Variants in DPP10 observed in about 807,000 individuals in gnomAD.
DPP10 encodes dipeptidyl peptidase like 10.
A neutral mutation model predicts 120.9 loss-of-function variants in DPP10; 33 were observed. That is an observed-to-expected ratio of 0.27 (90% CI 0.21 to 0.37). The LOEUF is 0.37. Among genes scored for constraint, DPP10 ranks in the 10% least tolerant of loss-of-function variants. The pLI, the probability that DPP10 is intolerant of heterozygous loss-of-function variation, is 1.00. For missense variants in DPP10, 816 were observed against 942.8 expected, an observed-to-expected ratio of 0.87 and a Z score of 1.76; for synonymous variants, 337 against 326.1, an observed-to-expected ratio of 1.03 and a Z score of -0.36.
chr2:115,225,399 G>A (rs1173249043), intron 1 of DPP10, among the ~76,000 whole-genome samples: 1 of 152,058 alleles, frequency 6.6e-6, no homozygotes, highest in Non-Finnish European at 1.5e-5. Context: ...GAGATAGGCA[G>A]CACTGAACAA....
chr2:114,748,918 C>T (rs1324483671), intron 1 of DPP10, among the ~76,000 whole-genome samples: 1 of 123,106 alleles, frequency 8.1e-6, no homozygotes, highest in East Asian at 2.3e-4. Flanking sequence ...GGTATATACC[C>T]AGTAATGGGA....
At chr2:115,273,396 C>T (rs1034992515) in intron 1 of DPP10, among the ~76,000 whole-genome samples, 1 of 152,044 alleles carries the variant, frequency 6.6e-6, no homozygotes, top group African/African-American at 2.4e-5. Flanking sequence ...GGCTGGAGTG[C>T]AGTGATCTTG....
intron 3 of DPP10, among the ~76,000 whole-genome samples, chr2:115,364,366 C>T (rs10169591): frequency 1.7e-3 from 257 of 152,084 alleles, no homozygotes; most frequent in African/African-American, 5.9e-3. Flanking sequence ...TTCGTGCCAG[C>T]ATATTACCTC....
At chr2:115,571,174 C>A (rs2081316064) in intron 5 of DPP10, among the ~76,000 whole-genome samples, 1 of 152,300 alleles carries the variant, frequency 6.6e-6, no homozygotes, top group East Asian at 1.9e-4. Context: ...CAACACAATG[C>A]AAAAACTATC....
chr2:114,728,829 A>C (rs1473685548), intron 1 of DPP10, among the ~76,000 whole-genome samples: 1 of 152,206 alleles, frequency 6.6e-6, no homozygotes, highest in African/African-American at 2.4e-5. Flanking sequence ...GCTTGAGGCA[A>C]AATCTGTTAG....
chr2:115,160,579 G>A (rs1487171015), intron 1 of DPP10, among the ~76,000 whole-genome samples: 1 of 152,076 alleles, frequency 6.6e-6, no homozygotes, highest in East Asian at 1.9e-4. Flanking sequence ...GTCTTGTGCT[G>A]AATACATGAA....
intron 1 of DPP10, among the ~76,000 whole-genome samples, chr2:114,521,876 C>T (rs915535794): frequency 3.9e-4 from 56 of 143,878 alleles, no homozygotes; most frequent in Non-Finnish European, 6.0e-4. Context: ...GGCGCAATCT[C>T]GGCTCACTGC....
At chr2:115,244,777 T>C (rs2058455246) in intron 1 of DPP10, among the ~76,000 whole-genome samples, 1 of 150,208 alleles carries the variant, frequency 6.7e-6, no homozygotes, top group South Asian at 2.1e-4. Flanking sequence ...TGTTTACCAT[T>C]GCTATATATA....
chr2:114,772,855 A>C (rs1681394084), intron 1 of DPP10, among the ~76,000 whole-genome samples: 1 of 152,104 alleles, frequency 6.6e-6, no homozygotes. Flanking sequence ...GCTTCCATTT[A>C]TGTTCCAGCA....
At chr2:115,562,363 A>C (rs796408359) in intron 5 of DPP10, among the ~76,000 whole-genome samples, 2 of 152,114 alleles carry the variant, frequency 1.3e-5, no homozygotes. Flanking sequence ...ACTTGTCTCC[A>C]ATATATTTTC....
chr2:114,992,129 A>T (rs536505549), intron 1 of DPP10, among the ~76,000 whole-genome samples: 1 of 152,340 alleles, frequency 6.6e-6, no homozygotes, highest in South Asian at 2.1e-4. Context: ...GCTTGCAAAT[A>T]ATTCATTTTC....
chr2:114,612,494 A>G (rs1300387119), intron 1 of DPP10, among the ~76,000 whole-genome samples: 3 of 152,118 alleles, frequency 2.0e-5, no homozygotes, highest in Admixed American at 6.6e-5. Flanking sequence ...CAACATTTCA[A>G]TGTTTCTTTG....
In DPP10 at chr2:114,456,251, C is replaced by T. The variant is rs569161586; in HGVS notation, c.60+13413C>T. 2.6e-5 allele frequency among the ~76,000 whole-genome samples: 4 copies of T among 152,300 alleles called. No individual in the cohort carries two copies. The East Asian group carries it at 7.7e-4, about 29-fold the overall frequency. ...AAGCGCATCTAATGGGAATACTAAG[C>T]AGGACATAACACCATAAACTAATTT... On this transcript the variant is annotated intron_variant, in intron 1 of 25. Transcript: ENST00000410059.
chr2:114,673,226 C>T (rs1698461061), intron 1 of DPP10, among the ~76,000 whole-genome samples: 1 of 152,132 alleles, frequency 6.6e-6, no homozygotes, highest in Non-Finnish European at 1.5e-5. Flanking sequence ...GTGTTGTTGG[C>T]TTAAATCCTT....
chr2:115,136,063 G>A (rs1162295640), intron 1 of DPP10, among the ~76,000 whole-genome samples: 1 of 152,072 alleles, frequency 6.6e-6, no homozygotes, highest in Middle Eastern at 3.2e-3. Flanking sequence ...TATTTAAGAA[G>A]TGGAAGGAAC....
chr2:115,414,411 C>T (rs1451815161), intron 3 of DPP10, among the ~76,000 whole-genome samples: 1 of 152,090 alleles, frequency 6.6e-6, no homozygotes, highest in Non-Finnish European at 1.5e-5. Context: ...TCTTTTATCT[C>T]AACACTGAAT....
chr2:115,637,299 A>T (rs1281340908), intron 5 of DPP10, among the ~76,000 whole-genome samples: 6 of 152,280 alleles, frequency 3.9e-5, no homozygotes, highest in African/African-American at 1.4e-4. Context: ...AAAATTATAT[A>T]CACAATAGGA....
intron 5 of DPP10, among the ~76,000 whole-genome samples, chr2:115,681,454 G>A (rs1429937863): frequency 7.9e-5 from 12 of 151,632 alleles, no homozygotes; most frequent in Non-Finnish European, 1.8e-4. Context: ...CTCATTTTAA[G>A]GATTTTCTAT....
At chr2:114,770,683 T>C (rs1210331897) in intron 1 of DPP10, among the ~76,000 whole-genome samples, 2 of 152,232 alleles carry the variant, frequency 1.3e-5, no homozygotes, top group African/African-American at 4.8e-5. Flanking sequence ...CTACAAAATG[T>C]AGAAAAATCT....
Sources: allele counts gnomAD v4.1 joint callset (sites outside exome capture counted in the v4.1 genomes callset), GRCh38; gene constraint gnomAD v4.1.1; transcripts MANE v1.5; gene names NCBI Gene and HGNC (gene_info 2026-07-23, HGNC 2026-07-21).